The following DACH2 variants were observed in gnomAD, a reference collection of about 807,000 sequenced individuals.
DACH2 encodes dachshund family transcription factor 2.
DACH2 carries 17 observed loss-of-function variants against 35.8 expected under a neutral mutation model. The ratio of observed to expected loss-of-function variants is 0.48; its 90% CI spans 0.33 to 0.71. The LOEUF is 0.71. DACH2 is among the 30% of genes least tolerant of loss of function. The probability of loss-of-function intolerance (pLI) is 0.02; values close to 1 mark genes in which losing one functional copy is unlikely to be tolerated. For missense variants in DACH2, 469 were observed against 472.7 expected, an observed-to-expected ratio of 0.99 and a Z score of 0.07; for synonymous variants, 195 against 177.3, an observed-to-expected ratio of 1.10 and a Z score of -0.79.
intron 1 of DACH2, among the ~76,000 whole-genome samples, chrX:86,340,652 G>A (rs1313654289): frequency 8.9e-6 from 1 of 111,922 alleles, no homozygotes; most frequent in Non-Finnish European, 1.9e-5. Flanking sequence ...AGGAAGACAT[G>A]TCAAAACCCT....
intron 2 of DACH2, among the ~76,000 whole-genome samples, chrX:86,391,246 A>T (rs1443121525): frequency 1.1e-5 from 1 of 87,975 alleles, no homozygotes; most frequent in Non-Finnish European, 2.1e-5. Context: ...ATGCCAGTGC[A>T]CCACTCGGGC....
intron 7 of DACH2, among the ~76,000 whole-genome samples, chrX:86,742,052 A>G (rs1392551084): frequency 9.0e-6 from 1 of 111,061 alleles, no homozygotes. Context: ...AGTAAAATCA[A>G]ATATATCCAA....
In DACH2 at chrX:86,496,206, TA is replaced by T. The variant is rs1366977226; in HGVS notation, c.528-18068del. Among the ~76,000 whole-genome samples the T allele has an allele frequency of 8.0e-5, 9 of 112,025 alleles. 1 individual carries two copies. In the South Asian group the frequency reaches 3.3e-3, roughly 41 times the overall value. On this transcript the variant is annotated intron_variant, in intron 2 of 11. Transcript: ENST00000373125. ...AAGGAAGTGAAACGTTTATCTAAAT[TA>T]AAAATGTGATAAACTAATTCTTTAA...
intron 3 of DACH2, among the ~76,000 whole-genome samples, chrX:86,529,780 C>T (rs1238519881): frequency 2.7e-5 from 3 of 111,071 alleles, no homozygotes; most frequent in Non-Finnish European, 5.7e-5. Context: ...CTGTGATCAA[C>T]TTTTTTAGCT....
At chrX:86,734,175 C>T (rs1468034390) in intron 6 of DACH2, among the ~76,000 whole-genome samples, 1 of 110,902 alleles carries the variant, frequency 9.0e-6, no homozygotes, top group East Asian at 2.9e-4. Context: ...AAGTTCATCA[C>T]ATTAAAGAGA....
chrX:86,411,544 C>A (rs2036614707), intron 2 of DACH2, among the ~76,000 whole-genome samples: 1 of 111,069 alleles, frequency 9.0e-6, no homozygotes, highest in Admixed American at 9.6e-5. Flanking sequence ...ATGACTATCT[C>A]TTGTACAACT....
intron 7 of DACH2, among the ~76,000 whole-genome samples, chrX:86,811,305 A>G (rs757824122): frequency 1.1e-3 from 128 of 111,906 alleles, no homozygotes; most frequent in African/African-American, 4.0e-3. Context: ...CCACACAAGA[A>G]ATTCCACAGC....
At chrX:86,535,812 C>G (rs754833311) in intron 3 of DACH2, among the ~76,000 whole-genome samples, 1 of 111,046 alleles carries the variant, frequency 9.0e-6, no homozygotes, top group Non-Finnish European at 1.9e-5. Flanking sequence ...TTTCGATCAC[C>G]TTTTCAACTC....
chrX:86,267,504 A>T (rs140547303), intron 1 of DACH2, among the ~76,000 whole-genome samples: 1,166 of 112,048 alleles, frequency 0.01, 11 homozygotes, highest in African/African-American at 0.034. Flanking sequence ...GAAAATCAGT[A>T]CTTAGTATAA....
At chrX:86,459,415 C>T (rs2037529552) in intron 2 of DACH2, among the ~76,000 whole-genome samples, 1 of 111,492 alleles carries the variant, frequency 9.0e-6, no homozygotes, top group African/African-American at 3.2e-5. Flanking sequence ...GTTATTTAAA[C>T]ACAACCTTTG....
At chrX:86,608,934 A>T (rs2039895112) in intron 3 of DACH2, among the ~76,000 whole-genome samples, 1 of 111,436 alleles carries the variant, frequency 9.0e-6, no homozygotes, top group African/African-American at 3.3e-5. Flanking sequence ...TGATTATTAA[A>T]TGCCTTGTGG....
intron 2 of DACH2, among the ~76,000 whole-genome samples, chrX:86,461,364 A>G (rs765488819): frequency 1.8e-5 from 2 of 111,702 alleles, no homozygotes; most frequent in African/African-American, 3.2e-5. Flanking sequence ...AAATAGGATC[A>G]GTATACAAAC....
intron 1 of DACH2, among the ~76,000 whole-genome samples, chrX:86,310,833 G>A (rs910620536): frequency 1.8e-5 from 2 of 111,538 alleles, no homozygotes; most frequent in Non-Finnish European, 3.8e-5. Context: ...CTCAGTGGAG[G>A]AGGAGTTTAA....
intron 2 of DACH2, among the ~76,000 whole-genome samples, chrX:86,387,669 T>TG (rs2036140889): frequency 8.9e-6 from 1 of 112,126 alleles, no homozygotes; most frequent in Non-Finnish European, 1.9e-5. Context: ...TCCTAAGCAC[T>TG]GTAAAGGTCG....
chrX:86,694,946 C>A, intron 4 of DACH2, 75 bp from the exon 5 acceptor site: 1 of 772,691 alleles, frequency 1.3e-6, no homozygotes, highest in Non-Finnish European at 1.7e-6. Context: ...ATGATTACAG[C>A]CCTAAAAGGG....
intron 2 of DACH2, among the ~76,000 whole-genome samples, chrX:86,509,221 A>G (rs779793537): frequency 7.2e-4 from 80 of 111,586 alleles, no homozygotes; most frequent in African/African-American, 2.5e-3. Flanking sequence ...AATAGAATCT[A>G]AATGATCTTC....
rs189496082 is a variant in DACH2 at position 86,183,529 on chromosome X, T to G, written c.488+34421T>G. On this transcript the variant is annotated intron_variant, in intron 1 of 11. Coordinates refer to ENST00000373125, the MANE Select transcript of DACH2 (RefSeq NM_053281.3). The stretch of plus-strand genomic sequence containing the variant: ...CTTGCATCCCAGGGATGAAGCTGAC[T>G]TGATTGTGGTGGATAAGCTTTTGGA... Among the ~76,000 whole-genome samples, 36 of 111,877 alleles carry G rather than the reference T, an allele frequency of 3.2e-4. No homozygotes were observed. In the East Asian group the frequency reaches 3.9e-3, roughly 12 times the overall value.
At chrX:86,494,031 C>T (rs781316629) in intron 2 of DACH2, among the ~76,000 whole-genome samples, 3 of 111,648 alleles carry the variant, frequency 2.7e-5, no homozygotes, top group Non-Finnish European at 3.8e-5. Context: ...ACTTAGAAGG[C>T]CACAAGGTGC....
At chrX:86,320,443 G>A (rs1169660301) in intron 1 of DACH2, among the ~76,000 whole-genome samples, 3 of 111,993 alleles carry the variant, frequency 2.7e-5, no homozygotes, top group Non-Finnish European at 5.6e-5. Flanking sequence ...AGTTTTCTCT[G>A]GGAGAAAGTG....
Sources: allele counts gnomAD v4.1 joint callset (sites outside exome capture counted in the v4.1 genomes callset), GRCh38; gene constraint gnomAD v4.1.1; transcripts MANE v1.5; gene names NCBI Gene and HGNC (gene_info 2026-07-23, HGNC 2026-07-21).